GP6: variants seen among roughly 807,000 people sequenced by gnomAD.
The protein encoded by GP6 is platelet glycoprotein VI.
A neutral mutation model predicts 37.3 loss-of-function variants in GP6; 45 were observed. The observed-to-expected ratio is 1.21, with a 90% CI of 0.95 to 1.55. The LOEUF (loss-of-function observed/expected upper bound fraction) is 1.55, where lower values mean the gene tolerates loss of function less well. Ranked by LOEUF, GP6 falls within the 40% of genes most tolerant of loss-of-function variation. The probability of loss-of-function intolerance (pLI) is 0.00; values close to 1 mark genes in which losing one functional copy is unlikely to be tolerated. For missense variants in GP6, 813 were observed against 760.2 expected (o/e 1.07, Z -0.82); for synonymous variants, 340 against 316.4 (o/e 1.07, Z -0.79).
At chr19:55,030,414 C>T (rs1341061105) in intron 3 of GP6, among the ~76,000 whole-genome samples, 11 of 151,768 alleles carry the variant, frequency 7.2e-5, no homozygotes. Context: ...GTGGTGCAAT[C>T]TCGGCTCACC....
Position 55,027,827 on chromosome 19 carries a change from CGGGCT to C in GP6, c.356_360del (p.Gln119ArgfsTer21), listed in dbSNP as rs760074158. On this transcript the variant is annotated frameshift_variant, in exon 4 of 8. Transcript: ENST00000310373. LOFTEE classifies it high-confidence loss of function. The stretch of plus-strand genomic sequence containing the variant: ...TCCCCTCCTGACGACACCGCCGGGC[CGGGCT>C]GGGCTGAGAGCGAGGGTTTGGCAAA... The C allele has an allele frequency of 2.5e-5, 41 of 1,614,144 alleles. No homozygotes were observed. The South Asian group carries it at 4.4e-4, about 17-fold the overall frequency.
At chr19:55,024,563 A>G (rs911183990) in intron 5 of GP6, among the ~76,000 whole-genome samples, 41 of 152,170 alleles carry the variant, frequency 2.7e-4, no homozygotes, top group African/African-American at 9.2e-4. Flanking sequence ...TGATATTCTT[A>G]AAGTGCAGGC....
intron 1 of GP6, 64 bp from the exon 2 acceptor site, chr19:55,032,602 G>C: frequency 6.4e-7 from 1 of 1,555,588 alleles, no homozygotes; most frequent in South Asian, 1.1e-5. Flanking sequence ...TGCCTGCTGG[G>C]CGCGGTGATA....
rs1489506255 is a variant in GP6 at position 55,014,858 on chromosome 19, C to G, written c.1087G>C (p.Asp363His). The G allele has an allele frequency of 6.2e-7, 1 of 1,614,108 alleles. No homozygotes were observed. Among genetic ancestry groups the G allele is most frequent in the Non-Finnish European group, 8.5e-7 (1 of 1,180,032 alleles). ...GCTTCCACGCTCCACACACGCCAGTCTTTGAGTCGCCTCCCATGCCATGAT... is the reference window on the plus strand; with the variant it reads ...GCTTCCACGCTCCACACACGCCAGTGTTTGAGTCGCCTCCCATGCCATGAT... The change falls in exon 8 of 8, where the codon GAC becomes CAC. Residue 363 changes from aspartate to histidine, a missense_variant. Coordinates refer to ENST00000310373, the MANE Select transcript of GP6 (RefSeq NM_001083899.2).
Position 55,014,594 on chromosome 19 carries a change from G to C in GP6, c.1351C>G (p.Pro451Ala). The change falls in exon 8 of 8, where the codon CCA becomes GCA. Residue 451 changes from proline (P) to alanine (A), a missense_variant. Coordinates refer to ENST00000310373, the MANE Select transcript of GP6 (RefSeq NM_001083899.2). The stretch of plus-strand genomic sequence containing the variant: ...GCTGGGAACCTTAGAGATCCGTCTG[G>C]AGCCCATATTAGAGAGGTTGAAGAA... 2 of 1,613,954 alleles carry C rather than the reference G, an allele frequency of 1.2e-6. No homozygotes were observed. The highest frequency in any genetic ancestry group is 1.1e-5 in the South Asian group (1 of 91,078).
rs2073822983 is a variant in GP6, at chr19:55,015,144, G to A, written c.801C>T (p.His267=). Reference sequence around the variant, plus strand: ...GCATATCCGGACCAGGTTGCCCTTGGTGTAGTACTGGCGGGCAGGACCTGG... The same window carrying A: ...GCATATCCGGACCAGGTTGCCCTTGATGTAGTACTGGCGGGCAGGACCTGG... Residue 267 remains histidine, a synonymous_variant, in exon 8 of 8, where the codon CAC becomes CAT. Transcript: ENST00000310373. 1.9e-6 allele frequency: 3 copies of A among 1,569,112 alleles called. No individual in the cohort carries two copies. In the East Asian group the frequency reaches 7.0e-5, roughly 37 times the overall value.
Position 55,027,785 on chromosome 19 carries a change from G to A in GP6, c.403C>T (p.Gln135Ter), listed in dbSNP as rs752191942. 1 of 1,614,008 alleles carries A rather than the reference G, an allele frequency of 6.2e-7. No homozygotes were observed. The highest frequency in any genetic ancestry group is 1.7e-5 in the Admixed American group (1 of 60,016). The change falls in exon 4 of 8, where the codon CAG becomes TAG. Residue 135 changes from glutamine to a stop codon, truncating the protein, a stop_gained. Transcript: ENST00000310373. LOFTEE classifies it high-confidence loss of function. ...AATTGGTCAAAGCCATACCGAGTCT[G>A]ACACTGTAGGGTTACGTCCCCTCCT... is the stretch of plus-strand genomic sequence containing the variant.
chr19:55,036,904 G>A (rs986892586), intron 1 of GP6, among the ~76,000 whole-genome samples: 28 of 152,168 alleles, frequency 1.8e-4, no homozygotes, highest in Admixed American at 7.9e-4. Context: ...CCAACTATTC[G>A]GGAGGCTGAG....
At chr19:55,026,153 C>T (rs2074294656) in intron 4 of GP6, among the ~76,000 whole-genome samples, 1 of 152,154 alleles carries the variant, frequency 6.6e-6, no homozygotes, top group African/African-American at 2.4e-5. Context: ...CTCACTGTGA[C>T]CCTGGGGGCA....
rs546902436 is a variant in GP6, at chr19:55,027,633, G to C, written c.555C>G (p.Ser185Arg). Reference sequence around the variant, plus strand: ...GGGCTGACCACAGGTATGGGTCCCTGCTGGAGAAGCTGTAGCATCGGTAGG... The same window carrying C: ...GGGCTGACCACAGGTATGGGTCCCTCCTGGAGAAGCTGTAGCATCGGTAGG... The change falls in exon 4 of 8, where the codon AGC (serine) becomes AGG (arginine). Residue 185 changes from serine (S) to arginine (R), a missense_variant. By Grantham distance (110) the Ser-to-Arg change is moderately radical (BLOSUM62 -1). Coordinates refer to ENST00000310373, the MANE Select transcript of GP6 (RefSeq NM_001083899.2). 6.2e-7 allele frequency: 1 copy of C among 1,613,478 alleles called. No individual in the cohort carries two copies. Among genetic ancestry groups the C allele is most frequent in the East Asian group, 2.2e-5 (1 of 44,872 alleles).
In GP6 at chr19:55,024,323, C is replaced by T. The variant is rs1466386201; in HGVS notation, c.664+895G>A. Among the ~76,000 whole-genome samples the T allele has an allele frequency of 1.0e-4, 13 of 129,768 alleles. No homozygotes were observed. In the East Asian group the frequency reaches 2.4e-3, roughly 24 times the overall value. 85.1% of individuals were successfully genotyped at this position (129,768 alleles called of 152,430 possible). Reference sequence around the variant, plus strand: ...ATGCACACACATATGCACGCACACACACATATGCACGCACACACGCACATG... The same window carrying T: ...ATGCACACACATATGCACGCACACATACATATGCACGCACACACGCACATG... On this transcript the variant is annotated intron_variant, in intron 5 of 7. Transcript: ENST00000310373.
intron 3 of GP6, among the ~76,000 whole-genome samples, chr19:55,031,850 G>A (rs190341076): frequency 6.6e-6 from 1 of 152,230 alleles, no homozygotes; most frequent in Non-Finnish European, 1.5e-5. Context: ...GTGCACACCT[G>A]TAATCCTAGC....
In GP6 at chr19:55,027,968, T is replaced by A. The variant is rs575196034; in HGVS notation, c.326-106A>T. 240 of 1,144,834 alleles carry A rather than the reference T, an allele frequency of 2.1e-4. 1 individual carries two copies. The highest frequency in any genetic ancestry group is 9.8e-4 in the Admixed American group (58 of 59,014). The allele number at this position is 1,144,834 out of a possible 1,614,324, so 70.9% of individuals were successfully genotyped here. On this transcript the variant is annotated intron_variant, in intron 3 of 7. Transcript: ENST00000310373. ...AGAGCTGGGGAGCTTTTTGGCTGTA[T>A]CCCTCCCAGAGAGCGCACTCCCCCA...
At chr19:55,020,130 T>TCATAAGTTTATG (rs2074023902) in intron 5 of GP6, among the ~76,000 whole-genome samples, 3 of 151,964 alleles carry the variant, frequency 2.0e-5, no homozygotes, top group Admixed American at 2.0e-4. Flanking sequence ...TATGCTCAGC[T>TCATAAGTTTATG]CTCGGTGGCA....
At position 55,025,705 on chromosome 19, in the gene GP6, G is replaced by GA. The variant is rs201891998; in HGVS notation, c.611-435dup. 9.9e-3 allele frequency among the ~76,000 whole-genome samples: 1,390 copies of GA among 140,064 alleles called. 26 individuals carry two copies. The highest frequency in any genetic ancestry group is 0.036 in the African/African-American group (1,319 of 36,854). 91.9% of individuals were successfully genotyped at this position (140,064 alleles called of 152,430 possible). On this transcript the variant is annotated intron_variant, in intron 4 of 7. Coordinates refer to ENST00000310373, the MANE Select transcript of GP6 (RefSeq NM_001083899.2). ...TGGGTGACGCAGTAAGACTCCATCT[G>GA]AAAAAAAAAGGCTTAGCCAGGCGTG...
intron 5 of GP6, among the ~76,000 whole-genome samples, chr19:55,019,793 T>G (rs1481231486): frequency 6.7e-6 from 1 of 150,236 alleles, no homozygotes; most frequent in Admixed American, 6.7e-5. Flanking sequence ...TTATCCTGCC[T>G]CAGCCTCCCG....
intron 3 of GP6, among the ~76,000 whole-genome samples, chr19:55,029,787 A>G (rs2074493370): frequency 6.6e-6 from 1 of 151,610 alleles, no homozygotes; most frequent in Admixed American, 6.6e-5. Flanking sequence ...GGTGGGGGAT[A>G]TACTTAGCGA....
intron 3 of GP6, among the ~76,000 whole-genome samples, chr19:55,030,083 T>A (rs1457459461): frequency 6.6e-6 from 1 of 152,222 alleles, no homozygotes; most frequent in African/African-American, 2.4e-5. Context: ...AAACTCACAT[T>A]ATTCTGTTTG....
At chr19:55,032,623 A>G in intron 1 of GP6, 85 bp from the exon 2 acceptor site, 1 of 1,326,106 alleles carries the variant, frequency 7.5e-7, no homozygotes, top group Non-Finnish European at 1.1e-6. Flanking sequence ...AGACATTTGC[A>G]TGCATATGCT....
Sources: allele counts gnomAD v4.1 joint callset (sites outside exome capture counted in the v4.1 genomes callset), GRCh38; gene constraint gnomAD v4.1.1; transcripts MANE v1.5; gene names NCBI Gene and HGNC (gene_info 2026-07-23, HGNC 2026-07-21).